Variants in GET1 observed in about 807,000 individuals in gnomAD.
GET1 encodes guided entry of tail-anchored proteins factor 1.
Under a neutral mutation model 22.6 loss-of-function variants are expected in GET1, and 20 were observed. That is an observed-to-expected ratio of 0.89 (90% CI 0.62 to 1.29). GET1 has a LOEUF of 1.29. Among genes scored for constraint, GET1 ranks in the 50% most tolerant of loss-of-function variants. The pLI, the probability that GET1 is intolerant of heterozygous loss-of-function variation, is 0.00. For synonymous variants in GET1, 92 were observed against 83.8 expected (o/e 1.10, Z -0.53); for missense variants, 209 against 219.9 (o/e 0.95, Z 0.31).
At position 39,417,922 on chromosome 21, in the gene GET1, T is replaced by C. The variant is rs183590133; in HGVS notation, c.*23+6985T>C. On this transcript the variant is annotated intron_variant, in intron 1 of 1. Coordinates refer to the GET1 transcript ENST00000478273. ...CTGGGACTACAGGTGCCCGCCACCA[T>C]GCCTGGTTAATTTTTTGTATTTTTT... Among the ~76,000 whole-genome samples, 789 of 152,226 alleles carry C rather than the reference T, an allele frequency of 5.2e-3. 4 individuals are homozygous for C. The highest frequency in any genetic ancestry group is 0.011 in the African/African-American group (443 of 41,530).
intron 1 of GET1, among the ~76,000 whole-genome samples, chr21:39,421,343 C>T (rs2073738176): frequency 6.6e-6 from 1 of 152,110 alleles, no homozygotes; most frequent in Non-Finnish European, 1.5e-5. Context: ...CCACCTCGGC[C>T]TCCCAAAGTG....
At chr21:39,414,010 GCAC>G (rs1411330097) in intron 1 of GET1, 1 of 152,258 alleles carries the variant, frequency 6.6e-6, no homozygotes, top group Non-Finnish European at 1.5e-5. Flanking sequence ...TTCAGGTTGG[GCAC>G]CACGACAGAG....
chr21:39,395,352 A>T (rs2146996393), intron 4 of GET1, among the ~76,000 whole-genome samples: 2 of 142,870 alleles, frequency 1.4e-5, no homozygotes, highest in African/African-American at 5.1e-5. Context: ...TGAATACTGT[A>T]TCAAAAGGAA....
chr21:39,401,775 A>G (rs149834273), downstream of GET1, among the ~76,000 whole-genome samples: 260 of 152,280 alleles, frequency 1.7e-3, 2 homozygotes, highest in African/African-American at 5.6e-3. Context: ...GGTAGTTCTC[A>G]TAACATCTCA....
chr21:39,393,300 T>C lies in GET1; in HGVS notation c.451+20T>C. ...TAGCAGGTAAGAATTTTCTGGAAGA[T>C]GCAGTGGAAGAGTGTGAATAGGCTT... On this transcript the variant is annotated intron_variant, in intron 4 of 4. Coordinates refer to ENST00000649170, the MANE Select transcript of GET1 (RefSeq NM_004627.6). 2 of 1,588,296 alleles carry C rather than the reference T, an allele frequency of 1.3e-6. No homozygotes were observed. The highest frequency in any genetic ancestry group is 1.7e-6 in the Non-Finnish European group (2 of 1,156,700).
downstream of GET1, chr21:39,409,950 TAA>T: frequency 8.1e-7 from 1 of 1,230,384 alleles, no homozygotes; most frequent in Non-Finnish European, 1.2e-6. This position sits in a 1 kb window ranked among gnomAD's most constrained non-coding sequence, Gnocchi z 4.2. Context: ...AGAAATCAGA[TAA>T]GATAGACTTT....
chr21:39,391,098 A>G (rs2038267834), intron 2 of GET1: 1 of 347,150 alleles, frequency 2.9e-6, no homozygotes, highest in Non-Finnish European at 5.2e-6. Context: ...CTCAGAGCCA[A>G]CTCTTTAAAA....
intron 1 of GET1, among the ~76,000 whole-genome samples, chr21:39,424,982 G>A (rs1233354862): frequency 6.6e-6 from 1 of 152,218 alleles, no homozygotes; most frequent in South Asian, 2.1e-4. Context: ...TGGTGAGACA[G>A]AGCCCATTGT....
chr21:39,404,711 T>C (rs1442622431), intron 4 of GET1, among the ~76,000 whole-genome samples: 2 of 119,910 alleles, frequency 1.7e-5, no homozygotes, highest in East Asian at 2.7e-4. Flanking sequence ...AAGATTGTTA[T>C]CACTGCACTC....
chr21:39,395,195 C>T (rs1318476326), intron 4 of GET1, among the ~76,000 whole-genome samples: 1 of 152,038 alleles, frequency 6.6e-6, no homozygotes, highest in East Asian at 1.9e-4. Flanking sequence ...AAGGAATTTT[C>T]AGTAGCTGTT....
chr21:39,403,833 G>A (rs1005012649), intron 4 of GET1, among the ~76,000 whole-genome samples: 1 of 151,794 alleles, frequency 6.6e-6, no homozygotes, highest in African/African-American at 2.4e-5. Context: ...AATTGGTCAG[G>A]CTGGTCTCGA....
chr21:39,423,609 C>A (rs1166495955), intron 1 of GET1: 2 of 791,660 alleles, frequency 2.5e-6, no homozygotes, highest in Non-Finnish European at 3.8e-6. Flanking sequence ...TACACACAAG[C>A]GTAAGTGTAA....
downstream of GET1, chr21:39,410,403 T>C: frequency 9.2e-7 from 1 of 1,088,410 alleles, no homozygotes; most frequent in East Asian, 2.4e-5. Context: ...AGAAACATAT[T>C]TTACATTTGG....
At chr21:39,409,213 A>G (rs1484114169), downstream of GET1, among the ~76,000 whole-genome samples, 1 of 152,168 alleles carries the variant, frequency 6.6e-6, no homozygotes, top group Non-Finnish European at 1.5e-5. The surrounding 1 kb of genome is among the most constrained non-coding windows in gnomAD (Gnocchi z 4.2). Flanking sequence ...ACATGAAGAC[A>G]TAGTGAGAAG....
chr21:39,415,626 CCA>C (rs1213403827), intron 1 of GET1, among the ~76,000 whole-genome samples: 1 of 152,184 alleles, frequency 6.6e-6, no homozygotes, highest in Non-Finnish European at 1.5e-5. Context: ...AATCAAATAT[CCA>C]GTTTGTTTAA....
intron 1 of GET1, chr21:39,422,901 G>C (rs370045972): frequency 1.5e-6 from 2 of 1,307,884 alleles, no homozygotes; most frequent in Non-Finnish European, 2.1e-6. Context: ...CAGAGGGGGC[G>C]CATCCATGAT....
At chr21:39,380,935 G>GGGGC in intron 1 of GET1, 2 of 187,976 alleles carry the variant, frequency 1.1e-5, no homozygotes, top group Non-Finnish European at 2.0e-5. Flanking sequence ...GGTAGGGTGG[G>GGGGC]AGACAGGTGT....
intron 2 of GET1, 47 bp downstream of exon 2, chr21:39,390,910 A>G (rs1300588107): frequency 1.2e-6 from 2 of 1,601,848 alleles, no homozygotes; most frequent in Non-Finnish European, 1.7e-6. Context: ...GCGGATGAAT[A>G]GAGAAGTCTG....
At chr21:39,400,224 T>C (rs1249080604), downstream of GET1, among the ~76,000 whole-genome samples, 1 of 152,148 alleles carries the variant, frequency 6.6e-6, no homozygotes, top group East Asian at 1.9e-4. Context: ...AGCTTTAGAC[T>C]TAAAGCTTTC....
Sources: allele counts gnomAD v4.1 joint callset (sites outside exome capture counted in the v4.1 genomes callset), GRCh38; gene constraint gnomAD v4.1.1; non-coding constraint Gnocchi (gnomAD v3.1); transcripts MANE v1.5; gene names NCBI Gene and HGNC (gene_info 2026-07-23, HGNC 2026-07-21).